WDR41: variants seen among roughly 807,000 people sequenced by gnomAD.
The protein encoded by WDR41 is WD repeat-containing protein 41.
Under a neutral mutation model 69.3 loss-of-function variants are expected in WDR41, and 63 were observed. The ratio of observed to expected loss-of-function variants is 0.91; its 90% CI spans 0.74 to 1.12. The LOEUF is 1.12. Ranked by LOEUF, WDR41 falls within the 50% of genes most tolerant of loss-of-function variation. The pLI is 0.00. For missense variants in WDR41, 543 were observed against 534.5 expected (o/e 1.02, Z -0.16); for synonymous variants, 185 against 192.1 (o/e 0.96, Z 0.31).
At chr5:77,567,219 C>T (rs1303503126) in intron 1 of WDR41, among the ~76,000 whole-genome samples, 1 of 152,062 alleles carries the variant, frequency 6.6e-6, no homozygotes, top group Non-Finnish European at 1.5e-5. Context: ...ACAGATAATA[C>T]AAAAATTTAA....
At chr5:77,472,306 C>T (rs1308665192) in intron 2 of WDR41, among the ~76,000 whole-genome samples, 1 of 152,120 alleles carries the variant, frequency 6.6e-6, no homozygotes, top group Non-Finnish European at 1.5e-5. Context: ...GACAAACCCA[C>T]AGCCAATATC....
At chr5:77,494,779 C>T (rs1801914098), upstream of WDR41, among the ~76,000 whole-genome samples, 1 of 152,014 alleles carries the variant, frequency 6.6e-6, no homozygotes, top group African/African-American at 2.4e-5. Flanking sequence ...AAATAGAGGA[C>T]ATAAACAACA....
intron 1 of WDR41, among the ~76,000 whole-genome samples, chr5:77,512,351 AGTGAGTGTGT>A (rs1802218037): frequency 8.3e-6 from 1 of 120,244 alleles, no homozygotes; most frequent in Non-Finnish European, 1.7e-5. Context: ...AGAGAGAGAG[AGTGAGTGTGT>A]GTGTGTGTGT....
intron 1 of WDR41, among the ~76,000 whole-genome samples, chr5:77,591,234 G>A (rs1046809406): frequency 1.3e-5 from 2 of 151,682 alleles, no homozygotes; most frequent in Non-Finnish European, 2.9e-5. Context: ...TCAATAATTA[G>A]GATCTATAGC....
intron 1 of WDR41, among the ~76,000 whole-genome samples, chr5:77,560,403 T>G (rs2112256761): frequency 6.6e-6 from 1 of 152,322 alleles, no homozygotes; most frequent in East Asian, 1.9e-4. Flanking sequence ...CTTCCTGTTT[T>G]AAGCTACCAT....
chr5:77,574,574 A>T (rs898461640), intron 1 of WDR41, among the ~76,000 whole-genome samples: 2 of 152,134 alleles, frequency 1.3e-5, no homozygotes, highest in Non-Finnish European at 2.9e-5. Flanking sequence ...CATATTGAAG[A>T]CTCTAAGGCT....
At chr5:77,552,282 G>A (rs1244382874) in intron 1 of WDR41, among the ~76,000 whole-genome samples, 2 of 151,802 alleles carry the variant, frequency 1.3e-5, no homozygotes, top group African/African-American at 4.8e-5. Context: ...AAAACACAGG[G>A]CAATTTACAA....
intron 12 of WDR41, 90 bp from the exon 13 acceptor site, chr5:77,433,377 G>T: frequency 2.5e-6 from 3 of 1,194,248 alleles, no homozygotes; most frequent in Non-Finnish European, 3.4e-6. Context: ...TGAGATATGT[G>T]CCTTAAAGAC....
intron 1 of WDR41, among the ~76,000 whole-genome samples, chr5:77,573,665 T>C (rs981971417): frequency 1.3e-5 from 2 of 152,006 alleles, no homozygotes; most frequent in African/African-American, 4.8e-5. Flanking sequence ...AGCTCAGAAG[T>C]GCCCCCCAGA....
At chr5:77,601,633 C>T (rs985067755) in intron 1 of WDR41, among the ~76,000 whole-genome samples, 1 of 152,142 alleles carries the variant, frequency 6.6e-6, no homozygotes, top group African/African-American at 2.4e-5. Flanking sequence ...GTTTCTGCTG[C>T]TTCAATATGA....
chr5:77,469,394 T>C lies in WDR41; in HGVS notation c.168-4585A>G, dbSNP rs114274407. On this transcript the variant is annotated intron_variant, in intron 2 of 12. Transcript: ENST00000296679. Reference sequence around the variant, plus strand: ...TACCCTAGTTGTCTCTCCTGTATAATTCTCACAGCCCAGATTTTGCTGACT... The same window carrying C: ...TACCCTAGTTGTCTCTCCTGTATAACTCTCACAGCCCAGATTTTGCTGACT... Among the ~76,000 whole-genome samples, 455 of 152,312 alleles carry C rather than the reference T, an allele frequency of 3.0e-3. 1 individual carries two copies. Among genetic ancestry groups the C allele is most frequent in the African/African-American group, 0.011 (442 of 41,578 alleles).
chr5:77,482,911 C>T (rs1054407891), intron 2 of WDR41, among the ~76,000 whole-genome samples: 12 of 151,280 alleles, frequency 7.9e-5, no homozygotes, highest in Middle Eastern at 3.4e-3. Context: ...CCCCCGGAAC[C>T]TCCACCCCCA....
At position 77,431,381 on chromosome 5, in the gene WDR41, G is replaced by A. The variant is rs1007411803; in HGVS notation, c.*1754C>T. 1 of 152,164 alleles carries A rather than the reference G, an allele frequency of 6.6e-6. No homozygotes were observed. The highest frequency in any genetic ancestry group is 1.5e-5 in the Non-Finnish European group (1 of 68,044). The allele number at this position is 152,164 out of a possible 1,614,324, so 9.4% of individuals were successfully genotyped here. On this transcript the variant is annotated 3_prime_UTR_variant, in exon 13 of 13. Transcript: ENST00000296679. ...ATTGTTAGCATTTTTTAGCAATAAA[G>A]TATTCTTAAGGTATGTACATTTTTT...
chr5:77,539,837 G>T (rs767437559), intron 1 of WDR41, among the ~76,000 whole-genome samples: 1 of 152,080 alleles, frequency 6.6e-6, no homozygotes, highest in Non-Finnish European at 1.5e-5. Context: ...ACATAAACTT[G>T]GATTATATCC....
chr5:77,608,873 A>G (rs546553263), intron 1 of WDR41, among the ~76,000 whole-genome samples: 2 of 152,374 alleles, frequency 1.3e-5, no homozygotes, highest in Admixed American at 1.3e-4. Context: ...CGGGAAGCAC[A>G]AGGGGACAGG....
At chr5:77,523,445 A>C (rs1802402248) in intron 1 of WDR41, among the ~76,000 whole-genome samples, 3 of 152,176 alleles carry the variant, frequency 2.0e-5, no homozygotes, top group Admixed American at 2.0e-4. Flanking sequence ...TTTTACAAAC[A>C]AAGGAGTAAA....
intron 2 of WDR41, among the ~76,000 whole-genome samples, chr5:77,469,863 T>C (rs1218226263): frequency 1.3e-5 from 2 of 152,262 alleles, no homozygotes; most frequent in South Asian, 4.1e-4. Context: ...TGCAGGATAT[T>C]ATACAGGAGA....
chr5:77,435,347 A>G (rs769834793), intron 12 of WDR41, among the ~76,000 whole-genome samples: 3 of 152,198 alleles, frequency 2.0e-5, no homozygotes, highest in Non-Finnish European at 4.4e-5. Context: ...ACTGCTGCTT[A>G]CTTGGGTCCA....
intron 1 of WDR41, among the ~76,000 whole-genome samples, chr5:77,508,739 T>C (rs1226230396): frequency 1.3e-5 from 2 of 152,150 alleles, no homozygotes; most frequent in Non-Finnish European, 2.9e-5. Context: ...AGCTTGTTTT[T>C]GTTGTTGTTT....
Sources: gnomAD v4.1 joint callset for allele counts (sites outside exome capture counted in the v4.1 genomes callset) on GRCh38, gnomAD v4.1.1 for gene constraint, MANE v1.5 for transcripts, NCBI Gene and HGNC (gene_info 2026-07-23, HGNC 2026-07-21) for gene names.